ROCK1: variants seen among roughly 807,000 people sequenced by gnomAD.
ROCK1 encodes the protein rho-associated protein kinase 1.
Under a neutral mutation model 196.8 loss-of-function variants are expected in ROCK1, and 36 were observed. The ratio of observed to expected loss-of-function variants is 0.18; its 90% CI spans 0.14 to 0.24. The LOEUF (loss-of-function observed/expected upper bound fraction) is 0.24. Among genes scored for constraint, ROCK1 ranks in the 10% least tolerant of loss-of-function variants. The probability of loss-of-function intolerance (pLI) is 1.00; values close to 1 mark genes in which losing one functional copy is unlikely to be tolerated. For missense variants in ROCK1, 920 were observed against 1,562.0 expected (o/e 0.59, Z 6.93); for synonymous variants, 443 against 515.9 (o/e 0.86, Z 1.91).
chr18:20,952,874 T>A (rs1323699036), intron 32 of ROCK1, among the ~76,000 whole-genome samples: 1 of 151,470 alleles, frequency 6.6e-6, no homozygotes, highest in Non-Finnish European at 1.5e-5. Context: ...AACACAGGAA[T>A]AGAAAACCAA....
intron 9 of ROCK1, among the ~76,000 whole-genome samples, chr18:21,029,223 A>G (rs2035986090): frequency 6.6e-6 from 1 of 152,224 alleles, no homozygotes; most frequent in East Asian, 1.9e-4. Flanking sequence ...TTTGTTTTAG[A>G]ATGTACCAAG....
Position 20,970,506 on chromosome 18 carries a change from G to T in ROCK1, c.2662C>A (p.Leu888Ile), listed in dbSNP as rs753343209. Residue 888 changes from leucine (L) to isoleucine (I), a missense_variant, in exon 23 of 33, where the codon CTT becomes ATT. This residue lies in a region of ROCK1 where 520 missense variants were observed against 657.1 expected (regional missense o/e 0.79). Transcript: ENST00000399799. ...TCTGCTAGATCCAACTGAGTAGCAA[G>T]AGTTTCTCTGCAACAATTTTTTAAG... ...IQELQNEKET[L>I]ATQLDLAETK... 3.8e-6 allele frequency: 6 copies of T among 1,594,992 alleles called. No individual in the cohort carries two copies. The South Asian group carries it at 6.8e-5, about 18-fold the overall frequency.
intron 25 of ROCK1, among the ~76,000 whole-genome samples, chr18:20,968,275 C>T (rs548556845): frequency 2.6e-5 from 4 of 152,104 alleles, no homozygotes; most frequent in African/African-American, 9.6e-5. Flanking sequence ...TACAATATTA[C>T]TAGGCAAGTT....
At chr18:20,959,608 A>C (rs1372909405) in intron 29 of ROCK1, among the ~76,000 whole-genome samples, 1 of 151,048 alleles carries the variant, frequency 6.6e-6, no homozygotes, top group Non-Finnish European at 1.5e-5. Context: ...TCAAACTACT[A>C]AACACTTGAA....
At chr18:21,028,747 C>A (rs1157280348) in intron 10 of ROCK1, 29 bp downstream of exon 10, 1 of 1,554,772 alleles carries the variant, frequency 6.4e-7, no homozygotes, top group Non-Finnish European at 8.7e-7. Context: ...TCAGCACTTA[C>A]TCCTATAATC....
At chr18:21,070,401 C>T in intron 2 of ROCK1, 131 bp downstream of exon 2, 1 of 548,910 alleles carries the variant, frequency 1.8e-6, no homozygotes, top group South Asian at 3.3e-5. Context: ...ACACTTCCTA[C>T]TAAATTCTAT....
chr18:20,990,440 G>A (rs538500938), intron 18 of ROCK1, among the ~76,000 whole-genome samples: 1 of 151,812 alleles, frequency 6.6e-6, no homozygotes, highest in Admixed American at 6.6e-5. Flanking sequence ...TGCCAGGCAT[G>A]GTGTTTCATG....
intron 1 of ROCK1, among the ~76,000 whole-genome samples, chr18:21,080,119 C>T (rs188191196): frequency 2.5e-4 from 38 of 152,234 alleles, no homozygotes; most frequent in Admixed American, 2.3e-3. Flanking sequence ...GACGAAGACC[C>T]TGGTGTTCCC....
intron 16 of ROCK1, among the ~76,000 whole-genome samples, chr18:21,000,914 C>A (rs570789546): frequency 3.6e-4 from 55 of 152,202 alleles, no homozygotes; most frequent in Admixed American, 2.0e-4. Context: ...TAAATATACA[C>A]CCCTAAAGAA....
intron 1 of ROCK1, among the ~76,000 whole-genome samples, chr18:21,102,742 T>C (rs368896532): frequency 1.6e-3 from 241 of 152,192 alleles, no homozygotes; most frequent in African/African-American, 5.6e-3. Context: ...GGCGCTTGCC[T>C]GTAGTCCCAG....
At chr18:21,036,609 A>T (rs938582141) in intron 9 of ROCK1, among the ~76,000 whole-genome samples, 1 of 151,936 alleles carries the variant, frequency 6.6e-6, no homozygotes, top group Non-Finnish European at 1.5e-5. Context: ...ACACCTGGCT[A>T]ATTTTTTATT....
At chr18:21,023,970 A>C (rs1400208938) in intron 10 of ROCK1, among the ~76,000 whole-genome samples, 1 of 152,206 alleles carries the variant, frequency 6.6e-6, no homozygotes, top group East Asian at 1.9e-4. Flanking sequence ...TAAAAACCAT[A>C]GTCTCAAGTT....
In ROCK1 at chr18:20,967,070, C is replaced by A; in HGVS notation, c.3199G>T (p.Val1067Leu). 1 of 1,602,686 alleles carries A rather than the reference C, an allele frequency of 6.2e-7. No homozygotes were observed. The highest frequency in any genetic ancestry group is 8.5e-7 in the Non-Finnish European group (1 of 1,173,594). ...KELNDMQAQLVEECAHRNELQ... is the reference protein window; with the variant it reads ...KELNDMQAQLLEECAHRNELQ... ...TCATTCCTATGTGCACATTCTTCTA[C>A]CAATTGCTAATTTTGAAAAGTATCA... is the stretch of plus-strand genomic sequence containing the variant. Residue 1067 changes from valine (V) to leucine (L), a missense_variant, in exon 27 of 33, where the codon GTA becomes TTA. Val to Leu is a conservative substitution (Grantham distance 32). Transcript: ENST00000399799.
At chr18:20,975,036 A>G (rs1420720833) in intron 22 of ROCK1, among the ~76,000 whole-genome samples, 13 of 152,250 alleles carry the variant, frequency 8.5e-5, no homozygotes, top group Admixed American at 7.9e-4. Flanking sequence ...GGTGCTAGAC[A>G]TACAGCAATG....
chr18:20,961,007 T>C (rs2035321365), intron 27 of ROCK1, among the ~76,000 whole-genome samples: 1 of 152,176 alleles, frequency 6.6e-6, no homozygotes, highest in Non-Finnish European at 1.5e-5. Flanking sequence ...ATACCAGGAA[T>C]TCCTTGACTA....
chr18:21,088,972 T>C (rs1731922671), intron 1 of ROCK1, among the ~76,000 whole-genome samples: 2 of 152,176 alleles, frequency 1.3e-5, no homozygotes, highest in African/African-American at 2.4e-5. Flanking sequence ...GGTTCTGTTA[T>C]AGCAGCAGAA....
chr18:20,985,988 A>G (rs1190809165), intron 19 of ROCK1, among the ~76,000 whole-genome samples: 1 of 152,058 alleles, frequency 6.6e-6, no homozygotes, highest in East Asian at 1.9e-4. Context: ...CCTCCTGAGT[A>G]GCTGGAACTA....
chr18:21,104,368 C>T (rs936376307), intron 1 of ROCK1, among the ~76,000 whole-genome samples: 3 of 152,194 alleles, frequency 2.0e-5, no homozygotes, highest in South Asian at 2.1e-4. Context: ...GAGGCTGAGG[C>T]GGGCGGATCA....
At chr18:20,980,798 C>G (rs1368044758) in intron 21 of ROCK1, among the ~76,000 whole-genome samples, 2 of 151,548 alleles carry the variant, frequency 1.3e-5, no homozygotes, top group South Asian at 2.1e-4. Flanking sequence ...CTACTGTAAT[C>G]CCAGCTACTC....
Sources: allele counts gnomAD v4.1 joint callset (sites outside exome capture counted in the v4.1 genomes callset), GRCh38; gene constraint gnomAD v4.1.1; regional missense constraint gnomAD v4.1.1; transcripts MANE v1.5; gene names NCBI Gene and HGNC (gene_info 2026-07-23, HGNC 2026-07-21).